The following RBM24 variants were observed in gnomAD, a reference collection of about 807,000 sequenced individuals.
The protein encoded by RBM24 is RNA-binding protein 24.
A neutral mutation model predicts 23.6 loss-of-function variants in RBM24; 5 were observed. That is an observed-to-expected ratio of 0.21 (90% CI 0.11 to 0.45). The LOEUF is 0.45. Among genes scored for constraint, RBM24 ranks in the 20% least tolerant of loss-of-function variants. The probability of loss-of-function intolerance (pLI) is 0.99; values close to 1 mark genes in which losing one functional copy is unlikely to be tolerated. For synonymous variants in RBM24, 151 were observed against 129.5 expected (o/e 1.17, Z -1.13); for missense variants, 252 against 314.6 (o/e 0.80, Z 1.51).
At position 17,292,032 on chromosome 6, in the gene RBM24, A is replaced by AGCT; in HGVS notation, c.627_629dup (p.Ala221dup). ...CAATCACCGCAGCGGCACCTGGGAC[A>AGCT]GCTGCCGCCGCCGCTGCAGCAGCTG... On this transcript the variant is annotated inframe_insertion, in exon 4 of 4. Coordinates refer to ENST00000379052, the MANE Select transcript of RBM24 (RefSeq NM_001143942.2). 1 of 1,598,786 alleles carries AGCT rather than the reference A, an allele frequency of 6.3e-7. No homozygotes were observed. Among genetic ancestry groups the AGCT allele is most frequent in the East Asian group, 2.2e-5 (1 of 44,734 alleles).
chr6:17,289,968 C>T lies in RBM24; in HGVS notation c.348-1788C>T, dbSNP rs111404383. 63 of 1,289,212 alleles carry T rather than the reference C, an allele frequency of 4.9e-5. No homozygotes were observed. In the African/African-American group the frequency reaches 7.1e-4, roughly 15 times the overall value. The allele number at this position is 1,289,212 out of a possible 1,614,324, so 79.9% of individuals were successfully genotyped here. ...AAAGTTCTGAGTGTGTGCATGACCA[C>T]GCGCCTGGTTTCTGACAAGCAGTTA... On this transcript the variant is annotated intron_variant, in intron 3 of 3. Transcript: ENST00000379052.
chr6:17,287,673 G>A (rs181961916), intron 3 of RBM24, among the ~76,000 whole-genome samples: 21 of 152,214 alleles, frequency 1.4e-4, no homozygotes, highest in Admixed American at 6.5e-4. Context: ...AGCTGGGCGT[G>A]GTGGTGGGCG....
At chr6:17,283,920 A>G (rs1022988675) in intron 2 of RBM24, among the ~76,000 whole-genome samples, 5 of 152,238 alleles carry the variant, frequency 3.3e-5, no homozygotes, top group Admixed American at 2.0e-4. Context: ...TGGATTATTT[A>G]CAACACTGCC....
intron 3 of RBM24, among the ~76,000 whole-genome samples, chr6:17,287,994 G>T (rs1205386444): frequency 6.6e-6 from 1 of 152,142 alleles, no homozygotes; most frequent in Non-Finnish European, 1.5e-5. Flanking sequence ...CCAAACATCT[G>T]CCATATGGAT....
intron 3 of RBM24, chr6:17,289,760 G>T: frequency 9.4e-7 from 1 of 1,062,468 alleles, no homozygotes; most frequent in South Asian, 3.1e-5. Context: ...GGAAACCCTT[G>T]TCGCATGACA....
chr6:17,283,705 C>T (rs1031096736), intron 2 of RBM24, among the ~76,000 whole-genome samples: 17 of 152,332 alleles, frequency 1.1e-4, no homozygotes, highest in African/African-American at 3.6e-4. Context: ...GCGTGAGCCA[C>T]CGCGCCTGGC....
chr6:17,284,842 G>A, intron 3 of RBM24, 131 bp downstream of exon 3: 2 of 596,670 alleles, frequency 3.4e-6, no homozygotes, highest in South Asian at 8.0e-5. Flanking sequence ...ATATATTTGT[G>A]CATTTTTAAT....
chr6:17,290,815 T>C (rs754027968), intron 3 of RBM24: 167 of 1,280,782 alleles, frequency 1.3e-4, no homozygotes, highest in Middle Eastern at 4.2e-4. Context: ...AACCTCATCA[T>C]TTCCCCAAAA....
At position 17,282,369 on chromosome 6, in the gene RBM24, T is replaced by G. The variant is rs964686709; in HGVS notation, c.169-436T>G. 12 of 761,624 alleles carry G rather than the reference T, an allele frequency of 1.6e-5. No homozygotes were observed. In the Admixed American group the frequency reaches 2.8e-4, roughly 18 times the overall value. The allele number at this position is 761,624 out of a possible 1,614,324, so 47.2% of individuals were successfully genotyped here. A position where few individuals can be genotyped will look rare whatever the true frequency, so the allele number is the denominator to read the frequency against. On this transcript the variant is annotated intron_variant, in intron 1 of 3. Transcript: ENST00000379052. ...GACAATAGCTATTGTCGTTGGGGAG[T>G]GTTTTCGAGGTTGGGAGCGTTGGGC...
chr6:17,283,951 T>G lies in RBM24; in HGVS notation c.293-706T>G, dbSNP rs554839590. On this transcript the variant is annotated intron_variant, in intron 2 of 3. Coordinates refer to ENST00000379052, the MANE Select transcript of RBM24 (RefSeq NM_001143942.2). ...CTGCCCTTTGCATTAGCACAAATAG[T>G]TGAGAGTTGATTTTTAAGCAAATAT... 7.2e-5 allele frequency among the ~76,000 whole-genome samples: 11 copies of G among 152,328 alleles called. No homozygotes were observed. The South Asian group carries it at 2.3e-3, about 32-fold the overall frequency.
In RBM24 at chr6:17,289,903, C is replaced by T. The variant is rs558816300; in HGVS notation, c.348-1853C>T. ...CCAGGGACAGTGTTTCATAAAGCCA[C>T]ACCTGTTGTTGCGAGTGAGCCAGTC... is the stretch of plus-strand genomic sequence containing the variant. On this transcript the variant is annotated intron_variant, in intron 3 of 3. Transcript: ENST00000379052. 70 of 1,267,428 alleles carry T rather than the reference C, an allele frequency of 5.5e-5. No individual in the cohort carries two copies. The South Asian group carries it at 8.2e-4, about 15-fold the overall frequency. 78.5% of individuals were successfully genotyped at this position (1,267,428 alleles called of 1,614,324 possible). A position where few individuals can be genotyped will look rare whatever the true frequency, so the allele number is the denominator to read the frequency against.
At chr6:17,288,148 G>A in intron 3 of RBM24, 1 of 650,212 alleles carries the variant, frequency 1.5e-6, no homozygotes, top group Non-Finnish European at 1.9e-6. Context: ...CTAAGTGTTA[G>A]AGGCTGAGTC....
intron 1 of RBM24, chr6:17,282,099 G>C: frequency 1.6e-6 from 2 of 1,222,768 alleles, no homozygotes; most frequent in Non-Finnish European, 2.1e-6. Flanking sequence ...CGGTTGTTAA[G>C]CGCGCTGTTG....
chr6:17,292,433 T>C lies in RBM24; in HGVS notation c.*314T>C, dbSNP rs3828714. 7.4e-5 allele frequency: 14 copies of C among 189,436 alleles called. No homozygotes were observed. The East Asian group carries it at 1.8e-3, about 24-fold the overall frequency. 11.7% of individuals were successfully genotyped at this position (189,436 alleles called of 1,614,324 possible). ...GTAACGGGATTTTTATTTTTGCTCT[T>C]TTTATAGTATCAGGGAAGCAAACTG... On this transcript the variant is annotated 3_prime_UTR_variant, in exon 4 of 4. Transcript: ENST00000379052.
chr6:17,282,321 A>T (rs1383936031), intron 1 of RBM24: 2 of 1,127,932 alleles, frequency 1.8e-6, no homozygotes, highest in East Asian at 5.7e-5. Flanking sequence ...TCAGCTGCCG[A>T]AGAGCAGGGA....
At position 17,288,567 on chromosome 6, in the gene RBM24, G is replaced by A. The variant is rs1204897313; in HGVS notation, c.348-3189G>A. Reference sequence around the variant, plus strand: ...ACAAAGCATAAAAAAAGAAACATATGAGACTAAACGATAAAGCAAATTTCT... The same window carrying A: ...ACAAAGCATAAAAAAAGAAACATATAAGACTAAACGATAAAGCAAATTTCT... On this transcript the variant is annotated intron_variant, in intron 3 of 3. Transcript: ENST00000379052. 3 of 985,334 alleles carry A rather than the reference G, an allele frequency of 3.0e-6. No individual in the cohort carries two copies. In the African/African-American group the frequency reaches 5.2e-5, roughly 17 times the overall value. The allele number at this position is 985,334 out of a possible 1,614,324, so 61.0% of individuals were successfully genotyped here.
chr6:17,282,557 G>A (rs999524685), intron 1 of RBM24: 2 of 560,168 alleles, frequency 3.6e-6, no homozygotes, highest in Non-Finnish European at 6.2e-6. Context: ...CGGCGGTGGG[G>A]TGGGGGGAGG....
At chr6:17,289,684 C>G in intron 3 of RBM24, 1 of 985,380 alleles carries the variant, frequency 1.0e-6, no homozygotes, top group Non-Finnish European at 1.2e-6. Flanking sequence ...CAGTGAGATC[C>G]GCACTGGCTG....
At chr6:17,291,262 G>A (rs928586672) in intron 3 of RBM24, among the ~76,000 whole-genome samples, 6 of 152,032 alleles carry the variant, frequency 3.9e-5, no homozygotes, top group Admixed American at 1.3e-4. Context: ...TTTTGTTAAC[G>A]TTTATGTTAA....
Sources: gnomAD v4.1 joint callset for allele counts (sites outside exome capture counted in the v4.1 genomes callset) on GRCh38, gnomAD v4.1.1 for gene constraint, MANE v1.5 for transcripts, NCBI Gene and HGNC (gene_info 2026-07-23, HGNC 2026-07-21) for gene names.